The following STARD9 variants were observed in gnomAD, a reference collection of about 807,000 sequenced individuals.
The protein encoded by STARD9 is stAR-related lipid transfer protein 9.
STARD9 carries 346 observed loss-of-function variants against 399.8 expected under a neutral mutation model. That is an observed-to-expected ratio of 0.87 (90% CI 0.79 to 0.95). The LOEUF is 0.95. Among genes scored for constraint, STARD9 ranks in the 40% least tolerant of loss-of-function variants. The probability of loss-of-function intolerance (pLI) is 0.00; values close to 1 mark genes in which losing one functional copy is unlikely to be tolerated. For synonymous variants in STARD9, 2,203 were observed against 2,143.5 expected (o/e 1.03, Z -0.77); for missense variants, 5,832 against 5,667.5 (o/e 1.03, Z -0.93).
intron 3 of STARD9, among the ~76,000 whole-genome samples, chr15:42,589,925 T>C (rs1171058306): frequency 6.7e-6 from 1 of 149,778 alleles, no homozygotes; most frequent in Non-Finnish European, 1.5e-5. Flanking sequence ...TTTACTGTTG[T>C]GTGTGTCACA....
At chr15:42,653,568 T>G (rs2059806609) in intron 9 of STARD9, among the ~76,000 whole-genome samples, 1 of 151,206 alleles carries the variant, frequency 6.6e-6, no homozygotes, top group Admixed American at 6.6e-5. Context: ...ACGTGATGAA[T>G]GGCTGACTTC....
intron 3 of STARD9, among the ~76,000 whole-genome samples, chr15:42,626,638 T>A (rs1396999583): frequency 6.6e-6 from 1 of 151,734 alleles, no homozygotes; most frequent in Non-Finnish European, 1.5e-5. Flanking sequence ...GTAGCTGGGA[T>A]TACAGGCATG....
At chr15:42,581,088 C>T in intron 1 of STARD9, 1 of 653,542 alleles carries the variant, frequency 1.5e-6, no homozygotes, top group Admixed American at 2.0e-5. Flanking sequence ...ACACAGGTAC[C>T]AGTGTTGCTG....
At position 42,663,710 on chromosome 15, in the gene STARD9, T is replaced by C. The variant is rs1230768052; in HGVS notation, c.1079-110T>C. ...AGAAAGGGCCATGACCACCTAGGTT[T>C]CTCATTTCATCAGGGGTCTTATACA... On this transcript the variant is annotated intron_variant, in intron 12 of 32. Transcript: ENST00000290607. 5 of 920,414 alleles carry C rather than the reference T, an allele frequency of 5.4e-6. No homozygotes were observed. The East Asian group carries it at 1.3e-4, about 24-fold the overall frequency. The allele number at this position is 920,414 out of a possible 1,614,324, so 57.0% of individuals were successfully genotyped here.
At chr15:42,675,439 C>T (rs2060290362) in intron 18 of STARD9, 1 of 543,392 alleles carries the variant, frequency 1.8e-6, no homozygotes, top group African/African-American at 1.9e-5. Context: ...ACTACTCCAC[C>T]TGGAACTCAA....
At chr15:42,596,324 C>T (rs2058503488) in intron 3 of STARD9, among the ~76,000 whole-genome samples, 1 of 152,148 alleles carries the variant, frequency 6.6e-6, no homozygotes, top group Admixed American at 6.5e-5. Context: ...GCTGAAAATT[C>T]CTTATACTCA....
chr15:42,650,275 G>A (rs1378801117), intron 7 of STARD9, among the ~76,000 whole-genome samples: 1 of 151,900 alleles, frequency 6.6e-6, no homozygotes, highest in African/African-American at 2.4e-5. Flanking sequence ...TGTTATTTTG[G>A]GTGTAATTGT....
At chr15:42,621,032 G>A (rs866644154) in intron 3 of STARD9, among the ~76,000 whole-genome samples, 2 of 152,124 alleles carry the variant, frequency 1.3e-5, no homozygotes, top group Non-Finnish European at 1.5e-5. Flanking sequence ...GGGATTATAG[G>A]GGTGAGCCAC....
In STARD9 at chr15:42,686,654, C is replaced by T. The variant is rs2060565763; in HGVS notation, c.5076C>T (p.Tyr1692=). 1 of 1,537,448 alleles carries T rather than the reference C, an allele frequency of 6.5e-7. No individual in the cohort carries two copies. The highest frequency in any genetic ancestry group is 8.7e-7 in the Non-Finnish European group (1 of 1,146,996). ...GGCAATTAAGTCCCGACAGCCACTA[C>T]CCACTAGAGGAAGAGAAGACAGATT... ...QPGQLSPDSH[Y]PLEEEKTDCQ... The change falls in exon 23 of 33, where the codon TAC becomes TAT. Residue 1692 remains tyrosine (Y), a synonymous_variant. Coordinates refer to ENST00000290607, the MANE Select transcript of STARD9 (RefSeq NM_020759.3).
Position 42,684,583 on chromosome 15 carries a change from C to T in STARD9, c.3005C>T (p.Ala1002Val), listed in dbSNP as rs2060504973. Residue 1002 changes from alanine (A) to valine (V), a missense_variant, in exon 23 of 33, where the codon GCT (alanine) becomes GTT (valine). Transcript: ENST00000290607. ...KEGNLGTHKA[A>V]KGASCNSLYP... The stretch of plus-strand genomic sequence containing the variant: ...GGGAACCTTGGGACCCACAAGGCTG[C>T]TAAGGGAGCCAGTTGCAATTCCTTG... 6.5e-7 allele frequency: 1 copy of T among 1,537,102 alleles called. No homozygotes were observed. The highest frequency in any genetic ancestry group is 1.4e-5 in the African/African-American group (1 of 73,036).
Position 42,686,386 on chromosome 15 carries a change from C to T in STARD9, c.4808C>T (p.Thr1603Ile), listed in dbSNP as rs780490995. The change falls in exon 23 of 33, where the codon ACA (threonine) becomes ATA (isoleucine). Residue 1603 changes from threonine to isoleucine, a missense_variant. Physicochemically the swap from Thr to Ile is moderately conservative, Grantham distance 89. Transcript: ENST00000290607. ...GAATCATTGTCTGCTTCTCGATCTA[C>T]AAATGCACAGGTCTTTGCAACAGAG... ...DLESLSASRS[T>I]NAQVFATENA... The T allele has an allele frequency of 6.5e-7, 1 of 1,537,518 alleles. No individual in the cohort carries two copies. Among genetic ancestry groups the T allele is most frequent in the African/African-American group, 1.4e-5 (1 of 73,046 alleles).
At chr15:42,661,939 G>C (rs1289831404) in intron 10 of STARD9, among the ~76,000 whole-genome samples, 1 of 152,048 alleles carries the variant, frequency 6.6e-6, no homozygotes, top group Non-Finnish European at 1.5e-5. Flanking sequence ...TTTTCTCTTT[G>C]ATTTAATATT....
In STARD9 at chr15:42,692,412, G is replaced by A. The variant is rs1368564596; in HGVS notation, c.10834G>A (p.Ala3612Thr). The A allele has an allele frequency of 6.5e-7, 1 of 1,537,066 alleles. No individual in the cohort carries two copies. Among genetic ancestry groups the A allele is most frequent in the Non-Finnish European group, 8.7e-7 (1 of 1,146,922 alleles). Reference protein sequence around the residue: ...SKPPLAKGSAAGPVDEIMLLY... With the variant: ...SKPPLAKGSATGPVDEIMLLY... ...GCCCCCCTTGGCCAAAGGAAGTGCT[G>A]CAGGTCCAGTGGATGAGATTATGCT... Residue 3612 changes from alanine (A) to threonine (T), a missense_variant, in exon 23 of 33, where the codon GCA (alanine) becomes ACA (threonine). By Grantham distance (58) the Ala-to-Thr change is moderately conservative (BLOSUM62 0). Around this residue, in one of 2 missense-constraint regions of STARD9, gnomAD observed 5,828 missense variants for 5,651.1 expected, o/e 1.03. Coordinates refer to ENST00000290607, the MANE Select transcript of STARD9 (RefSeq NM_020759.3).
intron 3 of STARD9, among the ~76,000 whole-genome samples, chr15:42,608,515 C>T (rs1213284083): frequency 1.3e-5 from 2 of 152,168 alleles, no homozygotes; most frequent in African/African-American, 2.4e-5. Flanking sequence ...GTATTAAAAA[C>T]AGGAAATTTG....
intron 8 of STARD9, 149 bp from the exon 9 acceptor site, chr15:42,652,371 T>A (rs1195259781): frequency 4.4e-6 from 3 of 676,244 alleles, no homozygotes; most frequent in Non-Finnish European, 7.7e-6. Context: ...TTTGGACTAT[T>A]CTCTTCACGA....
At position 42,692,102 on chromosome 15, in the gene STARD9, G is replaced by A. The variant is rs2060722442; in HGVS notation, c.10524G>A (p.Val3508=). The A allele has an allele frequency of 6.5e-7, 1 of 1,537,178 alleles. No homozygotes were observed. The highest frequency in any genetic ancestry group is 2.4e-5 in the East Asian group (1 of 40,920). The change falls in exon 23 of 33, where the codon GTG becomes GTA. Residue 3508 remains valine, a synonymous_variant. Coordinates refer to ENST00000290607, the MANE Select transcript of STARD9 (RefSeq NM_020759.3). The part of the protein sequence containing the change: ...QKPQGLTLSN[V]ARCSSMDNGL... ...CCCAGGGGCTGACACTATCAAATGT[G>A]GCCCGGTGCTCCAGCATGGACAATG...
chr15:42,638,589 G>C (rs2059466806), intron 6 of STARD9, 111 bp from the exon 7 acceptor site: 5 of 658,886 alleles, frequency 7.6e-6, no homozygotes, highest in Non-Finnish European at 1.3e-5. Flanking sequence ...TTGCCTTAGA[G>C]TGTCAGAAGT....
intron 3 of STARD9, among the ~76,000 whole-genome samples, chr15:42,589,379 A>C (rs2058349627): frequency 1.3e-5 from 2 of 152,114 alleles, no homozygotes; most frequent in East Asian, 3.9e-4. Flanking sequence ...GTACAGTAAC[A>C]CATTCAGGTG....
chr15:42,637,724 GTC>G (rs1411850816), intron 4 of STARD9, among the ~76,000 whole-genome samples, 181 bp from the exon 5 acceptor site: 1 of 152,110 alleles, frequency 6.6e-6, no homozygotes, highest in Non-Finnish European at 1.5e-5. Context: ...TCCCATGAGT[GTC>G]TCTCAGAGCA....
Sources: gnomAD v4.1 joint callset for allele counts (sites outside exome capture counted in the v4.1 genomes callset) on GRCh38, gnomAD v4.1.1 for gene constraint, gnomAD v4.1.1 regional missense constraint, MANE v1.5 for transcripts, NCBI Gene and HGNC (gene_info 2026-07-23, HGNC 2026-07-21) for gene names.